Variants in NF2 observed in about 807,000 individuals in gnomAD.
The protein encoded by NF2 is NF2, moesin-ezrin-radixin like (MERLIN) tumor suppressor.
In NF2, 8 loss-of-function variants were observed where a neutral mutation model predicts 83.7. That is an observed-to-expected ratio of 0.10 (90% CI 0.06 to 0.17). The LOEUF (loss-of-function observed/expected upper bound fraction) is 0.17, where lower values mean the gene tolerates loss of function less well. Ranked by LOEUF, NF2 falls within the 10% of genes least tolerant of loss-of-function variation. The pLI, the probability that NF2 is intolerant of heterozygous loss-of-function variation, is 1.00. For missense variants in NF2, 533 were observed against 744.4 expected (o/e 0.72, Z 3.31); for synonymous variants, 266 against 269.6 (o/e 0.99, Z 0.13).
At chr22:29,669,884 C>T (rs1007677773) in intron 10 of NF2, among the ~76,000 whole-genome samples, 1 of 152,120 alleles carries the variant, frequency 6.6e-6, no homozygotes, top group African/African-American at 2.4e-5. Flanking sequence ...GATGAAGGGA[C>T]GTATATTACA....
chr22:29,624,854 TTTC>T (rs1330404969), intron 1 of NF2, among the ~76,000 whole-genome samples: 1 of 145,830 alleles, frequency 6.9e-6, no homozygotes, highest in African/African-American at 2.5e-5. Flanking sequence ...TCTTTCTTTC[TTTC>T]TTTCTTTCTT....
At chr22:29,626,996 T>G (rs2065383616) in intron 1 of NF2, among the ~76,000 whole-genome samples, 1 of 152,178 alleles carries the variant, frequency 6.6e-6, no homozygotes, top group Non-Finnish European at 1.5e-5. Context: ...AGAGAGTTCA[T>G]CATTATACAG....
chr22:29,660,494 C>A (rs2066445017), intron 7 of NF2, among the ~76,000 whole-genome samples: 1 of 152,142 alleles, frequency 6.6e-6, no homozygotes, highest in Non-Finnish European at 1.5e-5. Context: ...ACCATCCAGC[C>A]CCAGGCACTG....
intron 1 of NF2, 105 bp downstream of exon 1, chr22:29,604,217 GA>G: frequency 1.1e-6 from 1 of 951,510 alleles, no homozygotes. Flanking sequence ...GGCAGAACCG[GA>G]AGGGCCAACT....
intron 1 of NF2, among the ~76,000 whole-genome samples, chr22:29,619,559 G>T (rs1601546443): frequency 6.7e-6 from 1 of 150,232 alleles, no homozygotes; most frequent in East Asian, 2.0e-4. Context: ...ATCATGCCAG[G>T]CTAATTTTTG....
At chr22:29,679,304 G>A (rs2067058996) in intron 14 of NF2, among the ~76,000 whole-genome samples, 1 of 152,108 alleles carries the variant, frequency 6.6e-6, no homozygotes, top group Non-Finnish European at 1.5e-5. Flanking sequence ...AGTCCAGTAT[G>A]GGCAACCAGA....
chr22:29,676,158 T>A (rs1255962691), intron 13 of NF2, among the ~76,000 whole-genome samples: 1 of 151,974 alleles, frequency 6.6e-6, no homozygotes, highest in Non-Finnish European at 1.5e-5. Context: ...GTTTTTATTT[T>A]TTATTTTATT....
At chr22:29,661,429 G>C (rs924227033) in intron 8 of NF2, 90 bp downstream of exon 8, 2 of 1,559,978 alleles carry the variant, frequency 1.3e-6, no homozygotes, top group Non-Finnish European at 1.8e-6. Flanking sequence ...GCATCTCCTT[G>C]TTATTCATAG....
At position 29,664,241 on chromosome 22, in the gene NF2, G is replaced by A. The variant is rs562986082; in HGVS notation, c.811-749G>A. On this transcript the variant is annotated intron_variant, in intron 8 of 15. Transcript: ENST00000338641. ...TCCTGCTTTGGCCTTCCAAAGTGTT[G>A]GGATTACGGGTGTGAGCCACCATAT... Among the ~76,000 whole-genome samples, 4 of 152,100 alleles carry A rather than the reference G, an allele frequency of 2.6e-5. 1 individual carries two copies. In the South Asian group the frequency reaches 8.3e-4, roughly 32 times the overall value.
chr22:29,654,579 G>A (rs2066244082), intron 4 of NF2, 78 bp from the exon 5 acceptor site: 3 of 1,201,722 alleles, frequency 2.5e-6, no homozygotes, highest in Non-Finnish European at 3.7e-6. Context: ...GGGAGGGAAT[G>A]AGATTGGTCC....
upstream of NF2, chr22:29,603,595 C>T (rs570135699): frequency 7.5e-6 from 3 of 397,412 alleles, no homozygotes; most frequent in Admixed American, 8.8e-5. Context: ...ACGGTGACAG[C>T]CACGCGCGCG....
At chr22:29,672,364 T>C (rs181284783) in intron 11 of NF2, among the ~76,000 whole-genome samples, 5 of 145,382 alleles carry the variant, frequency 3.4e-5, no homozygotes, top group Non-Finnish European at 7.4e-5. Flanking sequence ...TAGGCTGGAG[T>C]GTACAGTGGC....
chr22:29,669,095 G>T (rs539993986), intron 10 of NF2, among the ~76,000 whole-genome samples: 1 of 152,374 alleles, frequency 6.6e-6, no homozygotes, highest in South Asian at 2.1e-4. Context: ...AGCAGCTGCA[G>T]TTGGCTGCCC....
chr22:29,637,527 G>T (rs1345686064), intron 2 of NF2, among the ~76,000 whole-genome samples: 1 of 152,096 alleles, frequency 6.6e-6, no homozygotes, highest in African/African-American at 2.4e-5. Flanking sequence ...TTACTGACCT[G>T]CCTACCTAGC....
At chr22:29,678,372 G>C (rs552068533) in intron 14 of NF2, 49 bp downstream of exon 14, 142 of 1,608,592 alleles carry the variant, frequency 8.8e-5, no homozygotes, top group Non-Finnish European at 1.2e-4. Flanking sequence ...ACTAGACTGA[G>C]TGATTGGGGC....
chr22:29,656,041 C>T (rs544811392), intron 6 of NF2, among the ~76,000 whole-genome samples: 39 of 151,702 alleles, frequency 2.6e-4, no homozygotes, highest in South Asian at 2.1e-3. Flanking sequence ...TGGGTTCAAG[C>T]AAACCTCCTG....
rs2067483387 is a variant in NF2, at chr22:29,694,235, C to G, written c.1738-517C>G. On this transcript the variant is annotated intron_variant, in intron 15 of 15. Transcript: ENST00000338641. The surrounding 1 kb of genome is among the most constrained non-coding windows in gnomAD (Gnocchi z 4.1). ...TTTGCTTCGGGACCACCTGGGAAAC[C>G]AGGAGTAGAAGGGGTAAACTCTTCC... Among the ~76,000 whole-genome samples, 1 of 152,218 alleles carries G rather than the reference C, an allele frequency of 6.6e-6. No individual in the cohort carries two copies. The highest frequency in any genetic ancestry group is 6.5e-5 in the Admixed American group (1 of 15,292).
chr22:29,671,801 G>T (rs544701725), intron 10 of NF2, 25 bp from the exon 11 acceptor site: 1 of 1,613,664 alleles, frequency 6.2e-7, no homozygotes, highest in South Asian at 1.1e-5. Context: ...GTGATTCAAT[G>T]ACTGTTTTTC....
rs150670158 is a variant in NF2 at position 29,672,762 on chromosome 22, C to T, written c.1123-507C>T. On this transcript the variant is annotated intron_variant, in intron 11 of 15. Coordinates refer to ENST00000338641, the MANE Select transcript of NF2 (RefSeq NM_000268.4). ...TCCCAAGTAGCTGGGATTACAGGTG[C>T]GCGCCAACACATCCAGCTTTTTTTT... 2.8e-3 allele frequency among the ~76,000 whole-genome samples: 418 copies of T among 150,612 alleles called. 20 individuals carry two copies. In the South Asian group the frequency reaches 0.041, roughly 15 times the overall value.
Sources: gnomAD v4.1 joint callset for allele counts (sites outside exome capture counted in the v4.1 genomes callset) on GRCh38, gnomAD v4.1.1 for gene constraint, Gnocchi (gnomAD v3.1) non-coding constraint, MANE v1.5 for transcripts, NCBI Gene and HGNC (gene_info 2026-07-23, HGNC 2026-07-21) for gene names.